The following MYOM2 variants were observed in gnomAD, a reference collection of about 807,000 sequenced individuals.
MYOM2 encodes myomesin 2.
In MYOM2, 254 loss-of-function variants were observed where a neutral mutation model predicts 187.6. The observed-to-expected ratio is 1.35, with a 90% CI of 1.22 to 1.50. The LOEUF is 1.50. MYOM2 is among the 40% of genes most tolerant of loss of function. The pLI is 0.00. For synonymous variants in MYOM2, 981 were observed against 753.8 expected (o/e 1.30, Z -4.94); for missense variants, 2,796 against 1,924.0 (o/e 1.45, Z -8.48).
intron 11 of MYOM2, among the ~76,000 whole-genome samples, 173 bp from the exon 12 acceptor site, chr8:2,078,561 G>A (rs1819512024): frequency 6.6e-6 from 1 of 151,990 alleles, no homozygotes; most frequent in African/African-American, 2.4e-5. Context: ...TTTCTAAATA[G>A]CTCTGTCTTC....
At chr8:2,055,533 C>G (rs1013049187) in intron 3 of MYOM2, among the ~76,000 whole-genome samples, 1 of 151,966 alleles carries the variant, frequency 6.6e-6, no homozygotes, top group Non-Finnish European at 1.5e-5. Flanking sequence ...CAGGGAGGTG[C>G]GAGGTGAGGT....
Position 2,097,192 on chromosome 8 carries a change from T to G in MYOM2, c.2313+758T>G, listed in dbSNP as rs914920687. 4 of 701,328 alleles carry G rather than the reference T, an allele frequency of 5.7e-6. No individual in the cohort carries two copies. In the African/African-American group the frequency reaches 7.7e-5, roughly 13 times the overall value. The allele number at this position is 701,328 out of a possible 1,614,324, so 43.4% of individuals were successfully genotyped here. ...TCTTTGTCTACTAGAAAATTCTGCC[T>G]TATAAATCTATCTCTTTATAATATA... On this transcript the variant is annotated intron_variant, in intron 18 of 36. Coordinates refer to ENST00000262113, the MANE Select transcript of MYOM2 (RefSeq NM_003970.4).
intron 31 of MYOM2, among the ~76,000 whole-genome samples, chr8:2,127,459 G>A (rs187127719): frequency 5.3e-5 from 8 of 152,354 alleles, no homozygotes; most frequent in Admixed American, 6.5e-5. Context: ...CAGAAGCTCT[G>A]GGGATGGGCT....
intron 31 of MYOM2, 127 bp downstream of exon 31, chr8:2,124,344 G>C: frequency 1.1e-6 from 1 of 887,968 alleles, no homozygotes; most frequent in Non-Finnish European, 1.8e-6. Context: ...GGAGGCCCTG[G>C]ATGGAAGGGC....
intron 12 of MYOM2, among the ~76,000 whole-genome samples, 184 bp downstream of exon 12, chr8:2,079,117 G>A (rs952075805): frequency 6.6e-6 from 1 of 152,146 alleles, no homozygotes. Flanking sequence ...GAATGAAAAC[G>A]GGCTGACGTA....
intron 18 of MYOM2, among the ~76,000 whole-genome samples, chr8:2,097,567 T>C (rs1457309169): frequency 6.6e-6 from 1 of 152,164 alleles, no homozygotes; most frequent in African/African-American, 2.4e-5. Context: ...CAGGCTGGAG[T>C]GCAGTGGCAC....
At chr8:2,099,032 G>A (rs754190162) in intron 19 of MYOM2, 49 bp downstream of exon 19, 4 of 1,548,012 alleles carry the variant, frequency 2.6e-6, no homozygotes, top group Non-Finnish European at 2.6e-6. Context: ...CAGGCTGGCT[G>A]GGAAGGGGCC....
At chr8:2,068,826 G>A (rs930242475) in intron 6 of MYOM2, among the ~76,000 whole-genome samples, 2 of 152,320 alleles carry the variant, frequency 1.3e-5, no homozygotes, top group African/African-American at 4.8e-5. Context: ...GCAGCATCCT[G>A]GCTCCTACAC....
At chr8:2,088,393 G>T (rs776200608) in intron 14 of MYOM2, among the ~76,000 whole-genome samples, 61 of 152,354 alleles carry the variant, frequency 4.0e-4, no homozygotes, top group Middle Eastern at 3.4e-3. Flanking sequence ...CCCAGGTAGT[G>T]AGCACAGCAC....
chr8:2,050,020 G>C (rs1165867700), intron 1 of MYOM2, among the ~76,000 whole-genome samples: 3 of 152,070 alleles, frequency 2.0e-5, no homozygotes, highest in African/African-American at 7.2e-5. Flanking sequence ...GACTTCAGAC[G>C]GCAGATTCCA....
At chr8:2,127,279 G>C (rs151045401) in intron 31 of MYOM2, among the ~76,000 whole-genome samples, 1 of 152,118 alleles carries the variant, frequency 6.6e-6, no homozygotes. Flanking sequence ...CTGGGGAGGG[G>C]AGATGGTGGT....
intron 3 of MYOM2, among the ~76,000 whole-genome samples, chr8:2,055,466 A>G (rs923633823): frequency 6.6e-6 from 1 of 152,166 alleles, no homozygotes; most frequent in East Asian, 1.9e-4. Context: ...CTGAGGCCCA[A>G]ACAGACTGTT....
At chr8:2,124,014 G>T (rs763720997) in intron 30 of MYOM2, among the ~76,000 whole-genome samples, 165 bp from the exon 31 acceptor site, 1 of 152,258 alleles carries the variant, frequency 6.6e-6, no homozygotes, top group African/African-American at 2.4e-5. Context: ...AGGTTAGAAG[G>T]ATTTATCGCA....
At chr8:2,071,158 TA>T (rs1819201785) in intron 8 of MYOM2, among the ~76,000 whole-genome samples, 1 of 151,730 alleles carries the variant, frequency 6.6e-6, no homozygotes, top group Non-Finnish European at 1.5e-5. Context: ...TTTTTATTTT[TA>T]TTTTTTTTTG....
intron 8 of MYOM2, among the ~76,000 whole-genome samples, chr8:2,071,345 GT>G (rs1013170595): frequency 3.3e-5 from 5 of 150,860 alleles, no homozygotes; most frequent in Admixed American, 6.6e-5. Context: ...AAACCATACA[GT>G]TTTTTTTTGG....
At chr8:2,114,115 G>A in intron 25 of MYOM2, among the ~76,000 whole-genome samples, 1 of 152,222 alleles carries the variant, frequency 6.6e-6, no homozygotes, top group South Asian at 2.1e-4. Context: ...CACAAGGGCT[G>A]CATTCGGGTG....
intron 17 of MYOM2, 27 bp from the exon 18 acceptor site, chr8:2,096,220 T>C (rs779227311): frequency 6.3e-7 from 1 of 1,599,136 alleles, no homozygotes; most frequent in Non-Finnish European, 8.5e-7. Context: ...AGGCCCTCGG[T>C]AACTCCCTGG....
At chr8:2,049,027 G>A (rs935755974) in intron 1 of MYOM2, among the ~76,000 whole-genome samples, 23 of 152,094 alleles carry the variant, frequency 1.5e-4, no homozygotes, top group Admixed American at 9.8e-4. Context: ...TCCTGACCTC[G>A]TGATCCACCC....
rs558795598 is a variant in MYOM2 at position 2,083,849 on chromosome 8, T to C, written c.1517-1414T>C. Among the ~76,000 whole-genome samples, 17 of 152,340 alleles carry C rather than the reference T, an allele frequency of 1.1e-4. No individual in the cohort carries two copies. In the South Asian group the frequency reaches 3.3e-3, roughly 30 times the overall value. ...CGGGGATCCCCTGCTGACAAAGCTG[T>C]GTTCTTCCTTCTCACCTTGTCATCA... On this transcript the variant is annotated intron_variant, in intron 13 of 36. Transcript: ENST00000262113.
Sources: gnomAD v4.1 joint callset for allele counts (sites outside exome capture counted in the v4.1 genomes callset) on GRCh38, gnomAD v4.1.1 for gene constraint, MANE v1.5 for transcripts, NCBI Gene and HGNC (gene_info 2026-07-23, HGNC 2026-07-21) for gene names.